PRPSAP1: variants seen among roughly 807,000 people sequenced by gnomAD.
PRPSAP1 encodes phosphoribosyl pyrophosphate synthase-associated protein 1.
Under a neutral mutation model 39.4 loss-of-function variants are expected in PRPSAP1, and 31 were observed. That is an observed-to-expected ratio of 0.79 (90% confidence interval 0.59 to 1.06). The LOEUF (loss-of-function observed/expected upper bound fraction) is 1.06, where lower values mean the gene tolerates loss of function less well. PRPSAP1 is among the 50% of genes least tolerant of loss of function. The pLI is 0.00. For synonymous variants in PRPSAP1, 212 were observed against 192.6 expected, an observed-to-expected ratio of 1.10 and a Z score of -0.83; for missense variants, 430 against 511.6, an observed-to-expected ratio of 0.84 and a Z score of 1.54.
intron 7 of PRPSAP1, among the ~76,000 whole-genome samples, chr17:76,321,998 T>C: frequency 6.6e-6 from 1 of 152,214 alleles, no homozygotes; most frequent in East Asian, 1.9e-4. Context: ...AAAGAAGCCG[T>C]TTCCGTGACC....
At chr17:76,341,225 CTTTTTTTTGTTTTTTTT>C (rs1567807786) in intron 3 of PRPSAP1, among the ~76,000 whole-genome samples, 2 of 122,120 alleles carry the variant, frequency 1.6e-5, no homozygotes. Context: ...AACAATTTGA[CTTTTTTTTGTTTTTTTT>C]TTTTTTTTTT....
At chr17:76,343,054 G>C (rs1292482613) in intron 3 of PRPSAP1, among the ~76,000 whole-genome samples, 1 of 152,180 alleles carries the variant, frequency 6.6e-6, no homozygotes, top group Non-Finnish European at 1.5e-5. Context: ...TCCAGCCTGG[G>C]CAACAGAGTG....
intron 1 of PRPSAP1, among the ~76,000 whole-genome samples, chr17:76,350,954 T>C (rs1027377604): frequency 6.6e-6 from 1 of 151,066 alleles, no homozygotes; most frequent in East Asian, 2.0e-4. Context: ...TCACTTGAAC[T>C]CGGGAGGCGG....
chr17:76,316,153 G>C (rs1487158859), intron 7 of PRPSAP1, among the ~76,000 whole-genome samples: 1 of 143,380 alleles, frequency 7.0e-6, no homozygotes, highest in African/African-American at 2.7e-5. Context: ...ACCAGCCTGG[G>C]CAACAGAGTG....
chr17:76,353,907 A>G lies in PRPSAP1; in HGVS notation c.-204T>C, dbSNP rs1408127773. 1 of 1,327,078 alleles carries G rather than the reference A, an allele frequency of 7.5e-7. No individual in the cohort carries two copies. The highest frequency in any genetic ancestry group is 3.2e-5 in the East Asian group (1 of 31,680). The allele number at this position is 1,327,078 out of a possible 1,614,324, so 82.2% of individuals were successfully genotyped here. A position where few individuals can be genotyped will look rare whatever the true frequency, so the allele number is the denominator to read the frequency against. On this transcript the variant is annotated 5_prime_UTR_variant, in exon 1 of 10. Coordinates refer to ENST00000446526, the MANE Select transcript of PRPSAP1 (RefSeq NM_002766.3). ...GCAGCGCCCGGCGCCGCCGCCTCAG[A>G]GCCAGAGGCAAGGCCACCGCCCCCT...
intron 3 of PRPSAP1, among the ~76,000 whole-genome samples, chr17:76,336,111 T>G (rs908044769): frequency 4.6e-5 from 7 of 152,192 alleles, no homozygotes; most frequent in Admixed American, 1.3e-4. Context: ...ATAAACAATT[T>G]TTGAGAAGTC....
At chr17:76,346,752 C>T (rs1471225189) in intron 2 of PRPSAP1, among the ~76,000 whole-genome samples, 1 of 152,192 alleles carries the variant, frequency 6.6e-6, no homozygotes, top group African/African-American at 2.4e-5. Flanking sequence ...GGGAGTTTGG[C>T]CGGGCGCGGT....
Position 76,330,625 on chromosome 17 carries a change from T to C in PRPSAP1, c.505A>G (p.Ile169Val), listed in dbSNP as rs1324917764. The C allele has an allele frequency of 1.2e-6, 2 of 1,613,242 alleles. No homozygotes were observed. The highest frequency in any genetic ancestry group is 1.1e-5 in the South Asian group (1 of 90,966). The stretch of plus-strand genomic sequence containing the variant: ...ACAGGAAAGCTGAAAAAGCCTTGTA[T>C]TTCCTTTTGATGAAGATCCATAGTG... ...IITMDLHQKE[I>V]QGFFSFPVDN... Residue 169 changes from isoleucine (I) to valine (V), a missense_variant, in exon 5 of 10, where the codon ATA (isoleucine) becomes GTA (valine). Ile to Val is a conservative substitution (Grantham distance 29). Around this residue, in one of 2 missense-constraint regions of PRPSAP1, gnomAD observed 278 missense variants for 376.3 expected, o/e 0.74. Transcript: ENST00000446526.
intron 4 of PRPSAP1, among the ~76,000 whole-genome samples, chr17:76,331,016 A>G (rs1247931486): frequency 6.6e-6 from 1 of 152,236 alleles, no homozygotes; most frequent in East Asian, 1.9e-4. Context: ...ACAGAATCTT[A>G]AAAGAAAGGA....
At chr17:76,321,308 G>A (rs1424639601) in intron 7 of PRPSAP1, among the ~76,000 whole-genome samples, 1 of 152,044 alleles carries the variant, frequency 6.6e-6, no homozygotes, top group Admixed American at 6.6e-5. Context: ...TGTAATCCCA[G>A]CACTTTGGGA....
At chr17:76,340,282 G>A (rs2071421793) in intron 3 of PRPSAP1, among the ~76,000 whole-genome samples, 1 of 151,706 alleles carries the variant, frequency 6.6e-6, no homozygotes, top group East Asian at 1.9e-4. Flanking sequence ...CACCACACCT[G>A]ACCATGGTCC....
intron 9 of PRPSAP1, among the ~76,000 whole-genome samples, chr17:76,312,117 A>G (rs2071076041): frequency 6.6e-6 from 1 of 152,158 alleles, no homozygotes; most frequent in African/African-American, 2.4e-5. Flanking sequence ...GGATAAACGC[A>G]TCATTATAAG....
intron 3 of PRPSAP1, among the ~76,000 whole-genome samples, chr17:76,333,514 A>G (rs1408421723): frequency 6.6e-6 from 1 of 151,936 alleles, no homozygotes. Context: ...GTGTGGTGGC[A>G]CGTGCCTGTA....
chr17:76,310,963 A>G lies in PRPSAP1; in HGVS notation c.*579T>C, dbSNP rs2071065093. The stretch of plus-strand genomic sequence containing the variant: ...CAAATTATTTTATTTGCAACTTCAG[A>G]GCCACTCAGATACCCAGAGGTGGGA... On this transcript the variant is annotated 3_prime_UTR_variant, in exon 10 of 10. Coordinates refer to ENST00000446526, the MANE Select transcript of PRPSAP1 (RefSeq NM_002766.3). 1 of 152,192 alleles carries G rather than the reference A, an allele frequency of 6.6e-6. No homozygotes were observed. Among genetic ancestry groups the G allele is most frequent in the Non-Finnish European group, 1.5e-5 (1 of 68,056 alleles). 9.4% of individuals were successfully genotyped at this position (152,192 alleles called of 1,614,324 possible).
At chr17:76,322,815 G>C (rs759766853) in intron 7 of PRPSAP1, among the ~76,000 whole-genome samples, 1 of 152,036 alleles carries the variant, frequency 6.6e-6, no homozygotes, top group East Asian at 1.9e-4. Flanking sequence ...GCAAAACTCC[G>C]TCTCCACAAA....
chr17:76,323,522 T>A (rs796154148), intron 7 of PRPSAP1, among the ~76,000 whole-genome samples: 1 of 151,622 alleles, frequency 6.6e-6, no homozygotes, highest in Non-Finnish European at 1.5e-5. Flanking sequence ...TTGGAAGAAG[T>A]TGATTCTAAC....
intron 7 of PRPSAP1, among the ~76,000 whole-genome samples, chr17:76,315,404 G>C (rs1458259868): frequency 6.6e-6 from 1 of 152,176 alleles, no homozygotes. Flanking sequence ...AATTTTTGCA[G>C]ATTCCCAACA....
At chr17:76,333,646 A>AAAAAC (rs754862217) in intron 3 of PRPSAP1, among the ~76,000 whole-genome samples, 12 of 146,974 alleles carry the variant, frequency 8.2e-5, no homozygotes, top group Non-Finnish European at 1.3e-4. Flanking sequence ...CTCTGTCTCA[A>AAAAAC]AAAACAAAAC....
intron 7 of PRPSAP1, chr17:76,319,618 G>A (rs149901657): frequency 0.096 from 14,528 of 151,946 alleles, 871 homozygotes; most frequent in Admixed American, 0.2. Context: ...ACAGGTGCCC[G>A]CCACCATGCT....
Sources: allele counts gnomAD v4.1 joint callset (sites outside exome capture counted in the v4.1 genomes callset), GRCh38; gene constraint gnomAD v4.1.1; regional missense constraint gnomAD v4.1.1; transcripts MANE v1.5; gene names NCBI Gene and HGNC (gene_info 2026-07-23, HGNC 2026-07-21).